IFNG-AS1: variants seen among roughly 807,000 people sequenced by gnomAD.
IFNG-AS1 encodes the protein IFNG antisense RNA 1 (non-protein coding).
chr12:67,994,174 G>C (rs1879580905), intron 1 of IFNG-AS1, among the ~76,000 whole-genome samples: 1 of 152,222 alleles, frequency 6.6e-6, no homozygotes, highest in Non-Finnish European at 1.5e-5. Flanking sequence ...TTTGGCTAAA[G>C]AACTCAGTTG....
chr12:68,017,581 C>T (rs1261478408), intron 3 of IFNG-AS1, among the ~76,000 whole-genome samples: 1 of 152,134 alleles, frequency 6.6e-6, no homozygotes, highest in Non-Finnish European at 1.5e-5. Context: ...ACTCTCAGGG[C>T]TGTTTTGAAC....
intron 2 of IFNG-AS1, among the ~76,000 whole-genome samples, chr12:67,997,047 T>C (rs1411055505): frequency 6.6e-6 from 1 of 152,032 alleles, no homozygotes; most frequent in Admixed American, 6.6e-5. Context: ...ACAATGATTA[T>C]TTAGGAGATG....
intron 3 of IFNG-AS1, among the ~76,000 whole-genome samples, chr12:68,012,603 TG>T (rs1880057701): frequency 6.6e-6 from 1 of 151,648 alleles, no homozygotes; most frequent in South Asian, 2.1e-4. Context: ...TCTGGGCCAG[TG>T]GTTTGAGGGG....
At position 68,007,873 on chromosome 12, in the gene IFNG-AS1, G is replaced by A. The variant is rs577902423; in HGVS notation, n.241+1727G>A. On this transcript the variant is annotated intron_variant and non_coding_transcript_variant, in intron 3 of 5. Transcript: ENST00000536914. ...GAAATAGATGACTTGGTGCCCTCAC[G>A]ATGAGATGATACATCTTGAATCCCC... 8.5e-5 allele frequency among the ~76,000 whole-genome samples: 13 copies of A among 152,286 alleles called. No individual in the cohort carries two copies. The South Asian group carries it at 1.7e-3, about 19-fold the overall frequency.
chr12:67,994,355 T>C (rs1879585713), intron 1 of IFNG-AS1, among the ~76,000 whole-genome samples: 1 of 152,230 alleles, frequency 6.6e-6, no homozygotes, highest in Non-Finnish European at 1.5e-5. Flanking sequence ...CGTCAACGCA[T>C]CGTTACATCC....
At chr12:67,999,236 A>G (rs537770704) in intron 2 of IFNG-AS1, among the ~76,000 whole-genome samples, 1 of 152,356 alleles carries the variant, frequency 6.6e-6, no homozygotes, top group Non-Finnish European at 1.5e-5. Context: ...ATGTGTATGT[A>G]CACATGTTTA....
At chr12:68,007,021 T>C (rs1322603928) in intron 3 of IFNG-AS1, among the ~76,000 whole-genome samples, 2 of 152,222 alleles carry the variant, frequency 1.3e-5, no homozygotes, top group African/African-American at 4.8e-5. Context: ...CTTAGAATGA[T>C]TTTTTAAAAT....
intron 3 of IFNG-AS1, among the ~76,000 whole-genome samples, chr12:68,014,013 T>C (rs1336776433): frequency 6.6e-6 from 1 of 152,174 alleles, no homozygotes; most frequent in Non-Finnish European, 1.5e-5. Context: ...ATAGCTTAGC[T>C]CCCACATATC....
chr12:67,996,738 T>C (rs1368833479), intron 2 of IFNG-AS1, among the ~76,000 whole-genome samples: 2 of 152,310 alleles, frequency 1.3e-5, no homozygotes, highest in African/African-American at 4.8e-5. Context: ...ACATAGGATA[T>C]TGATTTAAAA....
chr12:68,015,568 G>A (rs1401839752), intron 3 of IFNG-AS1, among the ~76,000 whole-genome samples: 1 of 151,964 alleles, frequency 6.6e-6, no homozygotes, highest in Non-Finnish European at 1.5e-5. Context: ...CCCAAACAGT[G>A]CAATTTTTCC....
At chr12:68,018,771 TG>T (rs999476030) in intron 3 of IFNG-AS1, among the ~76,000 whole-genome samples, 26 of 41,916 alleles carry the variant, frequency 6.2e-4, no homozygotes, top group African/African-American at 1.3e-3. Context: ...TGTTTTGTTT[TG>T]TTTTTATATA....
At chr12:68,005,677 C>T (rs888537409) in intron 2 of IFNG-AS1, among the ~76,000 whole-genome samples, 2 of 152,034 alleles carry the variant, frequency 1.3e-5, no homozygotes, top group African/African-American at 2.4e-5. Flanking sequence ...TGACCCTTGC[C>T]CTTATACTTG....
intron 3 of IFNG-AS1, among the ~76,000 whole-genome samples, chr12:68,006,691 A>C: frequency 6.6e-6 from 1 of 152,204 alleles, no homozygotes; most frequent in East Asian, 1.9e-4. Context: ...AAGCCTTTTT[A>C]AAGAGGGTTT....
intron 2 of IFNG-AS1, among the ~76,000 whole-genome samples, chr12:67,996,686 G>T (rs913509359): frequency 6.6e-6 from 1 of 152,174 alleles, no homozygotes; most frequent in African/African-American, 2.4e-5. Flanking sequence ...AAAAGCTCAG[G>T]AACTCACACC....
intron 2 of IFNG-AS1, among the ~76,000 whole-genome samples, chr12:68,005,122 C>A (rs777623499): frequency 6.6e-6 from 1 of 152,174 alleles, no homozygotes; most frequent in Non-Finnish European, 1.5e-5. Flanking sequence ...AAAATATTAT[C>A]CCTCTTGCAC....
chr12:68,001,465 CT>C (rs1565688192), intron 2 of IFNG-AS1: 1 of 250,170 alleles, frequency 4.0e-6, no homozygotes, highest in East Asian at 1.0e-4. Flanking sequence ...CAGTTTTCAT[CT>C]GATTCCACTA....
intron 2 of IFNG-AS1, among the ~76,000 whole-genome samples, chr12:68,000,148 G>T (rs1879734783): frequency 6.6e-6 from 1 of 152,064 alleles, no homozygotes. Context: ...TTATACTGTG[G>T]TAAAGTAAAA....
chr12:68,004,811 C>G (rs1879869561), intron 2 of IFNG-AS1, among the ~76,000 whole-genome samples: 1 of 152,058 alleles, frequency 6.6e-6, no homozygotes, highest in African/African-American at 2.4e-5. Context: ...GTGCTCCAAA[C>G]AGTGATGGGG....
chr12:67,990,913 C>G (rs112793313), intron 1 of IFNG-AS1, among the ~76,000 whole-genome samples: 2,150 of 152,214 alleles, frequency 0.014, 51 homozygotes, highest in African/African-American at 0.048. Flanking sequence ...TAACTTTAAA[C>G]TCTGTTCTAC....
Sources: gnomAD v4.1 joint callset for allele counts (sites outside exome capture counted in the v4.1 genomes callset) on GRCh38, gnomAD v4.1.1 for gene constraint, MANE v1.5 for transcripts, NCBI Gene and HGNC (gene_info 2026-07-23, HGNC 2026-07-21) for gene names.